Variants in PTPN12 observed in about 807,000 individuals in gnomAD.
PTPN12 encodes protein tyrosine phosphatase non-receptor type 12.
Under a neutral mutation model 97.6 loss-of-function variants are expected in PTPN12, and 29 were observed. That is an observed-to-expected ratio of 0.30 (90% CI 0.22 to 0.41). PTPN12 has a LOEUF of 0.41. PTPN12 is among the 10% of genes least tolerant of loss of function. The pLI, the probability that PTPN12 is intolerant of heterozygous loss-of-function variation, is 1.00. For synonymous variants in PTPN12, 327 were observed against 300.4 expected (o/e 1.09, Z -0.91); for missense variants, 819 against 926.0 (o/e 0.88, Z 1.50).
chr7:77,609,393 TC>T lies in PTPN12; in HGVS notation c.763-1369del, dbSNP rs570601486. Among the ~76,000 whole-genome samples the T allele has an allele frequency of 1.7e-3, 248 of 150,280 alleles. 1 individual carries two copies. The highest frequency in any genetic ancestry group is 3.0e-3 in the Non-Finnish European group (200 of 67,634). ...TTCAAGCGATTCTCCTGCCTTAGTCTCCCGAGTAGCTGGGATTACATGCACG... is the reference window on the plus strand; with the variant it reads ...TTCAAGCGATTCTCCTGCCTTAGTCTCCGAGTAGCTGGGATTACATGCACG... On this transcript the variant is annotated intron_variant, in intron 9 of 17. Coordinates refer to ENST00000248594, the MANE Select transcript of PTPN12 (RefSeq NM_002835.4).
intron 6 of PTPN12, among the ~76,000 whole-genome samples, chr7:77,596,458 T>C (rs1391617552): frequency 6.6e-6 from 1 of 152,210 alleles, no homozygotes; most frequent in Non-Finnish European, 1.5e-5. Flanking sequence ...CAGACTGGAA[T>C]GCAGCGACGT....
At chr7:77,607,746 C>CTT (rs58355876) in intron 9 of PTPN12, among the ~76,000 whole-genome samples, 5 of 142,712 alleles carry the variant, frequency 3.5e-5, no homozygotes, top group South Asian at 2.2e-4. Context: ...TTTTCATTGC[C>CTT]TTTTTTTTTT....
At chr7:77,545,122 A>G (rs1175206854) in intron 1 of PTPN12, among the ~76,000 whole-genome samples, 1 of 152,268 alleles carries the variant, frequency 6.6e-6, no homozygotes, top group Non-Finnish European at 1.5e-5. Context: ...GTCTTAGAGT[A>G]TTAATAAAAT....
At chr7:77,636,062 A>G (rs1008301400) in intron 15 of PTPN12, among the ~76,000 whole-genome samples, 9 of 152,156 alleles carry the variant, frequency 5.9e-5, no homozygotes, top group Non-Finnish European at 1.3e-4. Context: ...TCTACATACA[A>G]CTATCACTTT....
intron 8 of PTPN12, among the ~76,000 whole-genome samples, chr7:77,603,883 C>CTTTTTTTTTTTTTTTT (rs773037726): frequency 1.1e-5 from 1 of 87,870 alleles, no homozygotes; most frequent in Non-Finnish European, 2.1e-5. Context: ...TTTTTGTTTG[C>CTTTTTTTTTTTTTTTT]TTTTTTTTTT....
intron 9 of PTPN12, among the ~76,000 whole-genome samples, chr7:77,608,321 A>G (rs1041960905): frequency 6.6e-6 from 1 of 152,220 alleles, no homozygotes; most frequent in African/African-American, 2.4e-5. Flanking sequence ...CTTCAGAACT[A>G]TGTGGTAAAT....
rs757653271 is a variant in PTPN12, at chr7:77,626,617, C to T, written c.1026-88C>T. 250 of 1,388,526 alleles carry T rather than the reference C, an allele frequency of 1.8e-4. 1 individual carries two copies. The highest frequency in any genetic ancestry group is 5.0e-5 in the Non-Finnish European group (51 of 1,029,570). 86.0% of individuals were successfully genotyped at this position (1,388,526 alleles called of 1,614,324 possible). On this transcript the variant is annotated intron_variant, in intron 12 of 17. Coordinates refer to ENST00000248594, the MANE Select transcript of PTPN12 (RefSeq NM_002835.4). ...TATTCGCAACCAGATTGTAATGGCTCTTAATATGCTACTCTTAGCTACATA... is the reference window on the plus strand; with the variant it reads ...TATTCGCAACCAGATTGTAATGGCTTTTAATATGCTACTCTTAGCTACATA...
chr7:77,578,675 A>G (rs1300716078), intron 2 of PTPN12, among the ~76,000 whole-genome samples: 1 of 152,124 alleles, frequency 6.6e-6, no homozygotes, highest in African/African-American at 2.4e-5. Context: ...ATGTCTGTTA[A>G]CATTTCCGTA....
At chr7:77,537,724 G>A (rs1021615052) in intron 1 of PTPN12, 79 bp downstream of exon 1, 38 of 1,467,616 alleles carry the variant, frequency 2.6e-5, no homozygotes, top group Non-Finnish European at 3.2e-5. Context: ...GGCCGCCAGT[G>A]CTTTGTGTAC....
At chr7:77,635,942 G>T in intron 15 of PTPN12, 93 bp downstream of exon 15, 2 of 779,218 alleles carry the variant, frequency 2.6e-6, no homozygotes, top group South Asian at 2.2e-5. Flanking sequence ...GTCATCTTAA[G>T]ATCGTTAAAT....
At chr7:77,572,315 C>T (rs752064101) in intron 2 of PTPN12, among the ~76,000 whole-genome samples, 13 of 151,896 alleles carry the variant, frequency 8.6e-5, no homozygotes, top group Non-Finnish European at 1.6e-4. Context: ...TTGCCCAGGG[C>T]CCAGTGGCTT....
At chr7:77,581,314 T>C in intron 2 of PTPN12, 113 bp from the exon 3 acceptor site, 1 of 554,956 alleles carries the variant, frequency 1.8e-6, no homozygotes, top group Non-Finnish European at 3.1e-6. Flanking sequence ...TCCATTTTCA[T>C]CCATTGTTTT....
chr7:77,550,672 G>T (rs1331255795), intron 1 of PTPN12, among the ~76,000 whole-genome samples: 6 of 152,224 alleles, frequency 3.9e-5, no homozygotes, highest in Admixed American at 6.5e-5. Flanking sequence ...TCACAAAATT[G>T]CCCTTGTTTG....
chr7:77,543,236 T>C (rs1040855060), intron 1 of PTPN12, among the ~76,000 whole-genome samples: 2 of 147,900 alleles, frequency 1.4e-5, no homozygotes, highest in Non-Finnish European at 3.0e-5. Context: ...AGCTAGATTA[T>C]AGGGTGAAGG....
intron 11 of PTPN12, among the ~76,000 whole-genome samples, chr7:77,611,844 C>T (rs1043637572): frequency 6.6e-6 from 1 of 152,188 alleles, no homozygotes; most frequent in Non-Finnish European, 1.5e-5. Context: ...AGCCTTGTAA[C>T]ATCTTACTGG....
At chr7:77,638,813 C>T in intron 17 of PTPN12, 82 bp downstream of exon 17, 1 of 1,479,106 alleles carries the variant, frequency 6.8e-7, no homozygotes, top group East Asian at 2.5e-5. Flanking sequence ...TGTGAAATGA[C>T]ACTTGCCAAG....
intron 5 of PTPN12, among the ~76,000 whole-genome samples, chr7:77,587,366 C>A (rs1419979647): frequency 6.7e-6 from 1 of 148,890 alleles, no homozygotes; most frequent in Non-Finnish European, 1.5e-5. Flanking sequence ...GCGTTGTAAA[C>A]GGAAATATTT....
intron 1 of PTPN12, among the ~76,000 whole-genome samples, chr7:77,555,906 C>T (rs1478817008): frequency 4.0e-5 from 6 of 151,608 alleles, no homozygotes; most frequent in Admixed American, 2.6e-4. Flanking sequence ...CAGGGCGAGA[C>T]TCCGTCTCAA....
chr7:77,601,698 G>A (rs1270130925), intron 8 of PTPN12, among the ~76,000 whole-genome samples: 1 of 152,082 alleles, frequency 6.6e-6, no homozygotes, highest in Non-Finnish European at 1.5e-5. Flanking sequence ...CTGTTACATT[G>A]AGATGAAAAA....
Sources: allele counts gnomAD v4.1 joint callset (sites outside exome capture counted in the v4.1 genomes callset), GRCh38; gene constraint gnomAD v4.1.1; transcripts MANE v1.5; gene names NCBI Gene and HGNC (gene_info 2026-07-23, HGNC 2026-07-21).